NRG3: variants seen among roughly 807,000 people sequenced by gnomAD.
NRG3 encodes neuregulin 3.
Under a neutral mutation model 66.9 loss-of-function variants are expected in NRG3, and 31 were observed. The observed-to-expected ratio is 0.46, with a 90% confidence interval of 0.35 to 0.63. The LOEUF (loss-of-function observed/expected upper bound fraction) is 0.63, where lower values mean the gene tolerates loss of function less well. Ranked by LOEUF, NRG3 falls within the 20% of genes least tolerant of loss-of-function variation. The pLI is 0.00. For synonymous variants in NRG3, 393 were observed against 359.4 expected, an observed-to-expected ratio of 1.09 and a Z score of -1.06; for missense variants, 910 against 878.9, an observed-to-expected ratio of 1.04 and a Z score of -0.45.
At chr10:82,783,164 T>C (rs1348178377) in intron 3 of NRG3, among the ~76,000 whole-genome samples, 1 of 152,166 alleles carries the variant, frequency 6.6e-6, no homozygotes, top group Non-Finnish European at 1.5e-5. Context: ...CAACGCTTCA[T>C]GCTAAAAACT....
At chr10:82,370,243 G>A (rs1315959894) in intron 2 of NRG3, among the ~76,000 whole-genome samples, 1 of 138,094 alleles carries the variant, frequency 7.2e-6, no homozygotes, top group Non-Finnish European at 1.5e-5. Context: ...TTTGTTGAGT[G>A]GTGGAGGTGG....
intron 2 of NRG3, among the ~76,000 whole-genome samples, chr10:82,676,443 A>T (rs2053689778): frequency 6.6e-6 from 1 of 152,118 alleles, no homozygotes; most frequent in African/African-American, 2.4e-5. Flanking sequence ...ATCACAGAAA[A>T]AGGTGAACAT....
intron 3 of NRG3, among the ~76,000 whole-genome samples, chr10:82,755,537 A>T (rs2059042419): frequency 6.6e-6 from 1 of 152,102 alleles, no homozygotes; most frequent in African/African-American, 2.4e-5. Context: ...CCATAGCTTC[A>T]CTTCAGGCTG....
chr10:82,935,782 C>A (rs1028886114), intron 4 of NRG3, among the ~76,000 whole-genome samples: 48 of 151,826 alleles, frequency 3.2e-4, no homozygotes, highest in African/African-American at 1.2e-3. Flanking sequence ...TGCCACCACG[C>A]CTGGATAATT....
intron 2 of NRG3, among the ~76,000 whole-genome samples, chr10:82,558,902 C>T (rs1196067211): frequency 1.3e-5 from 2 of 151,916 alleles, no homozygotes; most frequent in Non-Finnish European, 2.9e-5. Flanking sequence ...GGAAAGTGCT[C>T]TATTTTTTGA....
chr10:82,529,540 T>G (rs1029601417), intron 2 of NRG3, among the ~76,000 whole-genome samples: 10 of 152,230 alleles, frequency 6.6e-5, no homozygotes, highest in African/African-American at 2.4e-4. Context: ...TGGCAATGCT[T>G]ATTTTTAAAT....
At position 82,080,467 on chromosome 10, in the gene NRG3, C is replaced by T. The variant is rs149887012; in HGVS notation, c.823+204304C>T. Reference sequence around the variant, plus strand: ...GACCCCAGCATCTTAGACCCTCCTTCTGCCACCTTCCCATGTGGCAGAGCC... The same window carrying T: ...GACCCCAGCATCTTAGACCCTCCTTTTGCCACCTTCCCATGTGGCAGAGCC... On this transcript the variant is annotated intron_variant, in intron 1 of 8. Transcript: ENST00000372141. 2.0e-3 allele frequency among the ~76,000 whole-genome samples: 299 copies of T among 152,238 alleles called. 1 individual carries two copies. The highest frequency in any genetic ancestry group is 6.9e-3 in the African/African-American group (287 of 41,540).
chr10:82,011,071 T>G (rs1046696324), intron 1 of NRG3, among the ~76,000 whole-genome samples: 8 of 152,168 alleles, frequency 5.3e-5, no homozygotes, highest in African/African-American at 1.9e-4. Flanking sequence ...CATAGAATAT[T>G]GTACTGCATT....
At chr10:81,934,880 G>A (rs1274282480) in intron 1 of NRG3, among the ~76,000 whole-genome samples, 1 of 152,114 alleles carries the variant, frequency 6.6e-6, no homozygotes, top group Non-Finnish European at 1.5e-5. Flanking sequence ...TAGCCTGTTA[G>A]CATATTATGA....
At chr10:82,432,495 TA>T (rs532419949) in intron 2 of NRG3, among the ~76,000 whole-genome samples, 9,162 of 117,980 alleles carry the variant, frequency 0.078, 345 homozygotes, top group African/African-American at 0.13. Flanking sequence ...GTATTTCTTC[TA>T]AAAAAAAAAA....
At chr10:82,099,384 T>C (rs1379758465) in intron 1 of NRG3, among the ~76,000 whole-genome samples, 1 of 152,240 alleles carries the variant, frequency 6.6e-6, no homozygotes, top group Admixed American at 6.5e-5. Context: ...GGTTTCTTTC[T>C]GGAGCCTATT....
chr10:82,852,484 A>C (rs1266854948), intron 3 of NRG3, among the ~76,000 whole-genome samples: 1 of 152,156 alleles, frequency 6.6e-6, no homozygotes, highest in East Asian at 1.9e-4. Context: ...ATAGTAAAAT[A>C]AAATACAGCT....
rs137878692 is a variant in NRG3 at position 82,932,440 on chromosome 10, A to C, written c.1055-19029A>C. On this transcript the variant is annotated intron_variant, in intron 4 of 8. Coordinates refer to ENST00000372141, the MANE Select transcript of NRG3 (RefSeq NM_001010848.4). ...TATGCTAGAAGTTATTGGGCTCTTT[A>C]ATTGAATGTTCTCTTAATTTGGGCA... is the stretch of plus-strand genomic sequence containing the variant. 2.7e-4 allele frequency among the ~76,000 whole-genome samples: 41 copies of C among 152,282 alleles called. No individual in the cohort carries two copies. In the East Asian group the frequency reaches 7.7e-3, roughly 29 times the overall value.
intron 2 of NRG3, among the ~76,000 whole-genome samples, chr10:82,451,705 A>G (rs940258448): frequency 1.3e-5 from 2 of 152,016 alleles, no homozygotes; most frequent in African/African-American, 4.8e-5. Flanking sequence ...CTGCTTGTCT[A>G]TTTTATTCAA....
In NRG3 at chr10:82,423,766, A is replaced by G. The variant is rs567519485; in HGVS notation, c.953+64898A>G. Among the ~76,000 whole-genome samples the G allele has an allele frequency of 9.2e-5, 14 of 152,098 alleles. 1 individual carries two copies. The East Asian group carries it at 1.5e-3, about 17-fold the overall frequency. On this transcript the variant is annotated intron_variant, in intron 2 of 8. Transcript: ENST00000372141. Reference sequence around the variant, plus strand: ...CACTATTTAATTTTAGCATATTTTCATCACTCAGAAAGAAACCTCATACCA... The same window carrying G: ...CACTATTTAATTTTAGCATATTTTCGTCACTCAGAAAGAAACCTCATACCA...
chr10:82,763,977 T>C (rs1026100119), intron 3 of NRG3, among the ~76,000 whole-genome samples: 3 of 152,250 alleles, frequency 2.0e-5, no homozygotes, highest in African/African-American at 7.2e-5. Context: ...TTTACTCTTT[T>C]AATGTGGATA....
chr10:82,637,399 G>T (rs2050273879), intron 2 of NRG3, among the ~76,000 whole-genome samples: 1 of 152,068 alleles, frequency 6.6e-6, no homozygotes, highest in South Asian at 2.1e-4. Context: ...ATATTTACAT[G>T]GTCTCACCTT....
intron 2 of NRG3, among the ~76,000 whole-genome samples, chr10:82,468,155 G>A (rs1840865600): frequency 6.6e-6 from 1 of 152,140 alleles, no homozygotes; most frequent in African/African-American, 2.4e-5. Flanking sequence ...TAGGATAGGT[G>A]GTTAGTGTTA....
At chr10:82,361,373 A>C (rs182080326) in intron 2 of NRG3, among the ~76,000 whole-genome samples, 15 of 152,316 alleles carry the variant, frequency 9.8e-5, no homozygotes, top group African/African-American at 3.1e-4. Flanking sequence ...GATGCCTATA[A>C]ATCTCCTACT....
Sources: allele counts gnomAD v4.1 joint callset (sites outside exome capture counted in the v4.1 genomes callset), GRCh38; gene constraint gnomAD v4.1.1; transcripts MANE v1.5; gene names NCBI Gene and HGNC (gene_info 2026-07-23, HGNC 2026-07-21).